Variants in NAV3 observed in about 807,000 individuals in gnomAD.
NAV3 encodes the protein neuron navigator 3, also known as pore membrane and/or filament interacting like protein 1.
A neutral mutation model predicts 244.7 loss-of-function variants in NAV3; 87 were observed. That is an observed-to-expected ratio of 0.36 (90% CI 0.30 to 0.42). NAV3 has a LOEUF of 0.42. Among genes scored for constraint, NAV3 ranks in the 20% least tolerant of loss-of-function variants. The pLI, the probability that NAV3 is intolerant of heterozygous loss-of-function variation, is 1.00. For missense variants in NAV3, 2,663 were observed against 2,893.3 expected (o/e 0.92, Z 1.83); for synonymous variants, 1,126 against 1,042.2 (o/e 1.08, Z -1.55).
intron 1 of NAV3, among the ~76,000 whole-genome samples, chr12:77,901,898 G>A (rs1885344342): frequency 1.3e-5 from 2 of 151,970 alleles, no homozygotes; most frequent in Admixed American, 1.3e-4. Context: ...CCCCAGTACT[G>A]TTTTTCCGGG....
chr12:78,085,730 G>A (rs149599163), intron 12 of NAV3, among the ~76,000 whole-genome samples: 1 of 152,158 alleles, frequency 6.6e-6, no homozygotes, highest in East Asian at 1.9e-4. Context: ...TAGGAAAAAG[G>A]ACAGGCTAAA....
At chr12:77,839,010 T>A (rs1313717998) in intron 1 of NAV3, among the ~76,000 whole-genome samples, 1 of 152,220 alleles carries the variant, frequency 6.6e-6, no homozygotes, top group Admixed American at 6.5e-5. Context: ...TCATCCCCAA[T>A]GCATCATTGG....
intron 1 of NAV3, among the ~76,000 whole-genome samples, chr12:77,834,611 C>T (rs7485086): frequency 1.3e-5 from 2 of 152,170 alleles, no homozygotes; most frequent in Non-Finnish European, 2.9e-5. Flanking sequence ...TTCCACTTTG[C>T]TAAATGACCT....
intron 4 of NAV3, among the ~76,000 whole-genome samples, chr12:77,967,664 C>T (rs200078325): frequency 1.3e-5 from 2 of 151,936 alleles, no homozygotes; most frequent in East Asian, 3.9e-4. Context: ...GCTTTACATC[C>T]TTCTCTTTTC....
chr12:77,602,874 C>A (rs977321714), intron 2 of NAV3, among the ~76,000 whole-genome samples: 1 of 152,090 alleles, frequency 6.6e-6, no homozygotes, highest in Non-Finnish European at 1.5e-5. Context: ...TCATGGGAAT[C>A]AAAGACCCCA....
chr12:77,752,552 A>G (rs1005778872), intron 2 of NAV3, among the ~76,000 whole-genome samples: 1 of 152,164 alleles, frequency 6.6e-6, no homozygotes, highest in African/African-American at 2.4e-5. Context: ...TCTCAAGTCC[A>G]ATGGCTTTTC....
At chr12:78,140,658 A>G (rs973038715) in intron 20 of NAV3, among the ~76,000 whole-genome samples, 2 of 152,040 alleles carry the variant, frequency 1.3e-5, no homozygotes, top group South Asian at 2.1e-4. Flanking sequence ...CTATACTATC[A>G]TTTTAGTAAT....
rs2139648747 is a variant in NAV3 at position 78,175,350 on chromosome 12, A to T, written c.5026A>T (p.Ile1676Phe). ...RQHSSESVSS[I>F]NSATSHSSIG... is the part of the protein sequence containing the mutation. ...GCATTCCTCTGAAAGTGTTTCTAGT[A>T]TCAACAGTGCCACAAGCCATTCCAG... The change falls in exon 25 of 40, where the codon ATC becomes TTC. Residue 1676 changes from isoleucine (I) to phenylalanine (F), a missense_variant. Physicochemically the swap from Ile to Phe is conservative, Grantham distance 21 (BLOSUM62 0). Transcript: ENST00000397909. The T allele has an allele frequency of 3.1e-6, 5 of 1,611,726 alleles. No individual in the cohort carries two copies. Among genetic ancestry groups the T allele is most frequent in the Non-Finnish European group, 4.2e-6 (5 of 1,178,444 alleles).
intron 1 of NAV3, among the ~76,000 whole-genome samples, chr12:77,921,368 C>T (rs1333949543): frequency 6.6e-6 from 1 of 151,938 alleles, no homozygotes; most frequent in Non-Finnish European, 1.5e-5. Flanking sequence ...TTTCATTATT[C>T]ATAGAAATGT....
At chr12:78,025,978 C>G (rs1877986732) in intron 9 of NAV3, among the ~76,000 whole-genome samples, 1 of 152,168 alleles carries the variant, frequency 6.6e-6, no homozygotes, top group African/African-American at 2.4e-5. Flanking sequence ...TTTATAGCGT[C>G]ACAAATGGAC....
intron 1 of NAV3, among the ~76,000 whole-genome samples, chr12:77,919,860 G>C (rs887439893): frequency 3.3e-5 from 5 of 151,844 alleles, no homozygotes; most frequent in African/African-American, 1.2e-4. Context: ...ATTTAATCAC[G>C]CTTGGATTGT....
At chr12:77,751,291 G>A (rs1868841186) in intron 2 of NAV3, among the ~76,000 whole-genome samples, 1 of 152,248 alleles carries the variant, frequency 6.6e-6, no homozygotes, top group East Asian at 1.9e-4. Context: ...TCTTTGAAAG[G>A]ACTTCTTTTT....
At chr12:77,981,367 C>A (rs1007305286) in intron 5 of NAV3, among the ~76,000 whole-genome samples, 46 of 152,088 alleles carry the variant, frequency 3.0e-4, no homozygotes, top group African/African-American at 1.1e-3. Context: ...AAGGATCCTG[C>A]AGAAGTCTTT....
At chr12:77,684,017 A>G (rs1054253905) in intron 2 of NAV3, among the ~76,000 whole-genome samples, 3 of 152,100 alleles carry the variant, frequency 2.0e-5, no homozygotes, top group Non-Finnish European at 4.4e-5. Context: ...CTGCTTAATG[A>G]TTTTCTACAG....
At chr12:78,126,718 A>T (rs1955923106) in intron 16 of NAV3, among the ~76,000 whole-genome samples, 1 of 152,180 alleles carries the variant, frequency 6.6e-6, no homozygotes, top group African/African-American at 2.4e-5. Flanking sequence ...ATTAAAAATA[A>T]TTTGAAGACA....
intron 38 of NAV3, among the ~76,000 whole-genome samples, chr12:78,202,068 C>T (rs1258091934): frequency 6.6e-6 from 1 of 151,726 alleles, no homozygotes; most frequent in African/African-American, 2.4e-5. Context: ...AAATTTAACA[C>T]TTTTAAAGGT....
chr12:77,874,057 C>T (rs187348253), intron 1 of NAV3, among the ~76,000 whole-genome samples: 1 of 151,676 alleles, frequency 6.6e-6, no homozygotes, highest in African/African-American at 2.4e-5. Flanking sequence ...CTAGGCTGTG[C>T]ACTCTTTATG....
At chr12:77,921,344 G>A (rs1233009555) in intron 1 of NAV3, among the ~76,000 whole-genome samples, 1 of 152,062 alleles carries the variant, frequency 6.6e-6, no homozygotes, top group Non-Finnish European at 1.5e-5. Flanking sequence ...TAGAGATGCA[G>A]TTCAAAATTC....
intron 2 of NAV3, among the ~76,000 whole-genome samples, chr12:77,722,154 C>G (rs777533731): frequency 6.6e-6 from 1 of 151,958 alleles, no homozygotes; most frequent in East Asian, 1.9e-4. Context: ...TTTCTTTATC[C>G]TCTTGTTGGG....
Sources: allele counts gnomAD v4.1 joint callset (sites outside exome capture counted in the v4.1 genomes callset), GRCh38; gene constraint gnomAD v4.1.1; transcripts MANE v1.5; gene names NCBI Gene and HGNC (gene_info 2026-07-23, HGNC 2026-07-21).